The following PDE1A variants were observed in gnomAD, a reference collection of about 807,000 sequenced individuals.
PDE1A encodes phosphodiesterase 1A, also known as dual specificity calcium/calmodulin-dependent 3',5'-cyclic nucleotide phosphodiesterase 1A.
PDE1A carries 35 observed loss-of-function variants against 61.7 expected under a neutral mutation model. The observed-to-expected ratio is 0.57, with a 90% confidence interval of 0.43 to 0.75. The LOEUF (loss-of-function observed/expected upper bound fraction) is 0.75, where lower values mean the gene tolerates loss of function less well. Ranked by LOEUF, PDE1A falls within the 30% of genes least tolerant of loss-of-function variation. The pLI, the probability that PDE1A is intolerant of heterozygous loss-of-function variation, is 0.00. For missense variants in PDE1A, 597 were observed against 630.6 expected (o/e 0.95, Z 0.57); for synonymous variants, 232 against 213.2 (o/e 1.09, Z -0.77).
chr2:182,502,236 C>T (rs1002854697), intron 2 of PDE1A, among the ~76,000 whole-genome samples: 10 of 152,180 alleles, frequency 6.6e-5, no homozygotes, highest in Admixed American at 5.2e-4. Context: ...CATAGATAAG[C>T]CGCCCTGCTC....
intron 13 of PDE1A, among the ~76,000 whole-genome samples, chr2:182,148,699 A>G (rs933975300): frequency 5.3e-5 from 8 of 152,314 alleles, no homozygotes; most frequent in Admixed American, 6.5e-5. Flanking sequence ...AAAAGCTGAA[A>G]TCTACACAGC....
chr2:182,334,459 G>A (rs2124980284), intron 1 of PDE1A, among the ~76,000 whole-genome samples: 1 of 152,306 alleles, frequency 6.6e-6, no homozygotes, highest in East Asian at 1.9e-4. Flanking sequence ...TGGGATGCAA[G>A]GCTGGTTCAA....
intron 1 of PDE1A, among the ~76,000 whole-genome samples, chr2:182,422,046 G>A (rs747151205): frequency 6.6e-6 from 1 of 152,178 alleles, no homozygotes; most frequent in Non-Finnish European, 1.5e-5. Flanking sequence ...AAGAAACAGC[G>A]TGATCTGAAT....
intron 1 of PDE1A, among the ~76,000 whole-genome samples, chr2:182,357,430 G>A (rs1159563678): frequency 6.6e-6 from 1 of 151,974 alleles, no homozygotes; most frequent in East Asian, 1.9e-4. Context: ...CTAATGTATA[G>A]GGAAAAGCTT....
chr2:182,231,279 G>T (rs577989292), intron 4 of PDE1A, 148 bp from the exon 5 acceptor site: 1 of 618,180 alleles, frequency 1.6e-6, no homozygotes, highest in Non-Finnish European at 2.9e-6. Flanking sequence ...CATAGGACAG[G>T]ACCACTTAGT....
At chr2:182,602,198 G>A in the PDE1A span, among the ~76,000 whole-genome samples, 1 of 152,240 alleles carries the variant, frequency 6.6e-6, no homozygotes, top group Non-Finnish European at 1.5e-5. Flanking sequence ...GCCCCCAAGA[G>A]TGCAGGATGC....
the PDE1A span, among the ~76,000 whole-genome samples, chr2:182,546,798 T>A: frequency 2.0e-5 from 3 of 152,330 alleles, no homozygotes; most frequent in South Asian, 6.2e-4. Context: ...TAACTCTAAA[T>A]GACAGGGTGT....
At chr2:182,561,571 A>C in the PDE1A span, among the ~76,000 whole-genome samples, 4 of 152,158 alleles carry the variant, frequency 2.6e-5, no homozygotes, top group African/African-American at 9.7e-5. Context: ...ACTTTAAAGT[A>C]GTTTTTTCCA....
chr2:182,166,811 A>G (rs573708735), downstream of PDE1A, among the ~76,000 whole-genome samples: 2 of 152,308 alleles, frequency 1.3e-5, no homozygotes, highest in South Asian at 2.1e-4. Flanking sequence ...CTTATTTGTG[A>G]AAATACATTA....
chr2:182,481,014 A>G (rs191455083), intron 2 of PDE1A, among the ~76,000 whole-genome samples: 10 of 151,920 alleles, frequency 6.6e-5, no homozygotes, highest in Admixed American at 4.6e-4. Context: ...AATAGAGAAG[A>G]CTGCTCCTTC....
chr2:182,346,948 G>A (rs1698555479), intron 1 of PDE1A, among the ~76,000 whole-genome samples: 1 of 152,140 alleles, frequency 6.6e-6, no homozygotes, highest in Non-Finnish European at 1.5e-5. Flanking sequence ...GTCCTTCATA[G>A]AAGCACTTTT....
At chr2:182,432,424 T>C (rs1252423756) in intron 2 of PDE1A, among the ~76,000 whole-genome samples, 1 of 69,110 alleles carries the variant, frequency 1.4e-5, no homozygotes, top group African/African-American at 9.5e-5. Context: ...TGAGCTTTGC[T>C]GTTGTTGTTG....
At chr2:182,679,804 T>C in the PDE1A span, among the ~76,000 whole-genome samples, 4 of 152,146 alleles carry the variant, frequency 2.6e-5, no homozygotes, top group Admixed American at 2.0e-4. Context: ...TCAACAACTT[T>C]TTTCCTAGAG....
At chr2:182,626,882 TAC>T in the PDE1A span, among the ~76,000 whole-genome samples, 153 of 26,566 alleles carry the variant, frequency 5.8e-3, 10 homozygotes, top group South Asian at 0.032. Context: ...CATATATATA[TAC>T]ACATATATAT....
Position 182,300,984 on chromosome 2 carries a change from C to G in PDE1A, c.54-36570G>C, listed in dbSNP as rs528875967. ...TTGATAATATCTGACATTTTCCTAC[C>G]TGGAAAGAGCAGTAATTTTTCATTA... is the stretch of plus-strand genomic sequence containing the variant. On this transcript the variant is annotated intron_variant, in intron 1 of 13. Transcript: ENST00000351439. Among the ~76,000 whole-genome samples, 64 of 152,192 alleles carry G rather than the reference C, an allele frequency of 4.2e-4. 1 individual carries two copies. The highest frequency in any genetic ancestry group is 1.3e-3 in the African/African-American group (54 of 41,540).
At position 182,436,188 on chromosome 2, in the gene PDE1A, C is replaced by A. The variant is rs114312874; in HGVS notation, c.101+86088G>T. Among the ~76,000 whole-genome samples, 1,250 of 152,124 alleles carry A rather than the reference C, an allele frequency of 8.2e-3. 15 individuals carry two copies. The highest frequency in any genetic ancestry group is 0.028 in the African/African-American group (1,174 of 41,536). On this transcript the variant is annotated intron_variant, in intron 2 of 14. Coordinates refer to the PDE1A transcript ENST00000410103. The stretch of plus-strand genomic sequence containing the variant: ...ATTTGTACCCTCACTCCTTAAAAAA[C>A]TCATTCTAGTTTCAGCTTTTCTCTT...
At chr2:182,205,492 T>G (rs1687021124) in intron 8 of PDE1A, among the ~76,000 whole-genome samples, 1 of 152,050 alleles carries the variant, frequency 6.6e-6, no homozygotes, top group Non-Finnish European at 1.5e-5. Flanking sequence ...ACTTGGGTCA[T>G]TTTAGTATAT....
intron 2 of PDE1A, among the ~76,000 whole-genome samples, chr2:182,487,693 T>C (rs910830210): frequency 4.6e-5 from 7 of 152,134 alleles, no homozygotes; most frequent in Non-Finnish European, 1.0e-4. Flanking sequence ...TGACTGCACA[T>C]TGACACAAGG....
chr2:182,639,819 T>C, the PDE1A span, among the ~76,000 whole-genome samples: 1 of 150,356 alleles, frequency 6.7e-6, no homozygotes, highest in Non-Finnish European at 1.5e-5. Flanking sequence ...AACAAATATA[T>C]AAAGATATCA....
Sources: allele counts gnomAD v4.1 joint callset (sites outside exome capture counted in the v4.1 genomes callset), GRCh38; gene constraint gnomAD v4.1.1; transcripts MANE v1.5; gene names NCBI Gene and HGNC (gene_info 2026-07-23, HGNC 2026-07-21).